The following TAFA1 variants were observed in gnomAD, a reference collection of about 807,000 sequenced individuals.
TAFA1 encodes the protein TAFA chemokine like family member 1.
Under a neutral mutation model 18.5 loss-of-function variants are expected in TAFA1, and 4 were observed. The ratio of observed to expected loss-of-function variants is 0.22; its 90% confidence interval spans 0.11 to 0.49. The LOEUF (loss-of-function observed/expected upper bound fraction) is 0.49. Among genes scored for constraint, TAFA1 ranks in the 20% least tolerant of loss-of-function variants. TAFA1 has a pLI of 0.98. For missense variants in TAFA1, 147 were observed against 169.0 expected (o/e 0.87, Z 0.72); for synonymous variants, 56 against 55.2 (o/e 1.01, Z -0.06).
At chr3:68,262,325 A>G (rs1426028412) in intron 2 of TAFA1, among the ~76,000 whole-genome samples, 2 of 67,826 alleles carry the variant, frequency 2.9e-5, no homozygotes, top group African/African-American at 1.1e-4. Context: ...ATATATATAT[A>G]TATATATATA....
chr3:68,170,412 T>C (rs2106957612), intron 2 of TAFA1, among the ~76,000 whole-genome samples: 1 of 152,326 alleles, frequency 6.6e-6, no homozygotes, highest in Non-Finnish European at 1.5e-5. Flanking sequence ...TTGTCAAAAA[T>C]AATCAATTGC....
At chr3:68,409,846 A>C (rs906095110) in intron 2 of TAFA1, among the ~76,000 whole-genome samples, 3 of 152,140 alleles carry the variant, frequency 2.0e-5, no homozygotes, top group African/African-American at 7.2e-5. Context: ...GCAAACCCTG[A>C]CTTACAATGC....
At chr3:68,099,797 C>A (rs2065126712) in intron 2 of TAFA1, among the ~76,000 whole-genome samples, 2 of 152,256 alleles carry the variant, frequency 1.3e-5, no homozygotes, top group Admixed American at 1.3e-4. Context: ...ACATACACAC[C>A]ATGGAATACT....
At chr3:68,439,278 T>C (rs1575867752) in intron 3 of TAFA1, among the ~76,000 whole-genome samples, 1 of 151,642 alleles carries the variant, frequency 6.6e-6, no homozygotes, top group Middle Eastern at 3.4e-3. Context: ...AATGTGACCA[T>C]GAAACGTCTA....
At chr3:68,320,261 C>T (rs781498308) in intron 2 of TAFA1, among the ~76,000 whole-genome samples, 3 of 152,200 alleles carry the variant, frequency 2.0e-5, no homozygotes, top group Non-Finnish European at 4.4e-5. Context: ...CACAACCTGG[C>T]TTCCTTGTAT....
At chr3:68,490,134 G>A (rs1453481786) in intron 3 of TAFA1, among the ~76,000 whole-genome samples, 1 of 152,122 alleles carries the variant, frequency 6.6e-6, no homozygotes, top group African/African-American at 2.4e-5. Flanking sequence ...AATACTTATG[G>A]ACTTTTCTGA....
At chr3:68,477,467 C>G (rs941824899) in intron 3 of TAFA1, among the ~76,000 whole-genome samples, 4 of 152,112 alleles carry the variant, frequency 2.6e-5, no homozygotes, top group Admixed American at 6.5e-5. Flanking sequence ...CTCCACCTCC[C>G]AGGTTTAAGT....
chr3:68,059,064 T>C (rs536702070), intron 2 of TAFA1, among the ~76,000 whole-genome samples: 7 of 152,330 alleles, frequency 4.6e-5, no homozygotes, highest in African/African-American at 1.7e-4. Context: ...TCAAAGCACT[T>C]CTTTACTGCC....
chr3:68,488,565 G>A (rs2072391369), intron 3 of TAFA1, among the ~76,000 whole-genome samples: 1 of 152,124 alleles, frequency 6.6e-6, no homozygotes, highest in Admixed American at 6.5e-5. Context: ...AGTCCTATTT[G>A]GGTTCAAGTC....
intron 3 of TAFA1, among the ~76,000 whole-genome samples, chr3:68,453,848 C>T (rs2071609358): frequency 6.6e-6 from 1 of 152,176 alleles, no homozygotes; most frequent in Non-Finnish European, 1.5e-5. Flanking sequence ...TAATCCTCTG[C>T]ATGCATATTC....
In TAFA1 at chr3:68,006,653, G is replaced by T. The variant is rs1246845241; in HGVS notation, c.27G>T (p.Trp9Cys). 5.6e-6 allele frequency: 9 copies of T among 1,613,846 alleles called. No individual in the cohort carries two copies. Among genetic ancestry groups the T allele is most frequent in the Non-Finnish European group, 7.6e-6 (9 of 1,179,778 alleles). Residue 9 changes from tryptophan (W) to cysteine (C), a missense_variant, in exon 2 of 5, where the codon TGG becomes TGT. Physicochemically the swap from Trp to Cys is radical, Grantham distance 215. Coordinates refer to ENST00000478136, the MANE Select transcript of TAFA1 (RefSeq NM_213609.4). Reference sequence around the variant, plus strand: ...TGGCAATGGTCTCTGCGATGTCCTGGGTCCTGTATTTGTGGATAAGTGCTT... The same window carrying T: ...TGGCAATGGTCTCTGCGATGTCCTGTGTCCTGTATTTGTGGATAAGTGCTT... MAMVSAMSWVLYLWISACA... is the reference protein window; with the variant it reads MAMVSAMSCVLYLWISACA...
At chr3:68,188,505 A>T (rs201942478) in intron 2 of TAFA1, among the ~76,000 whole-genome samples, 3 of 142,760 alleles carry the variant, frequency 2.1e-5, no homozygotes, top group South Asian at 2.2e-4. Flanking sequence ...GTGTATATAT[A>T]TTTATATATA....
intron 3 of TAFA1, among the ~76,000 whole-genome samples, chr3:68,432,185 G>A (rs549010324): frequency 1.2e-4 from 19 of 152,070 alleles, no homozygotes; most frequent in African/African-American, 4.3e-4. Flanking sequence ...GGGAAAAGGG[G>A]AGGTTGGGGA....
At chr3:68,055,978 A>G (rs1192480998) in intron 2 of TAFA1, among the ~76,000 whole-genome samples, 1 of 152,114 alleles carries the variant, frequency 6.6e-6, no homozygotes. Context: ...GTTGGTGTTC[A>G]GCTCACTTGA....
intron 2 of TAFA1, among the ~76,000 whole-genome samples, chr3:68,241,181 T>C (rs1309261627): frequency 6.6e-6 from 1 of 152,164 alleles, no homozygotes; most frequent in Non-Finnish European, 1.5e-5. Flanking sequence ...ACTTATATTT[T>C]TCATAAAATT....
intron 4 of TAFA1, among the ~76,000 whole-genome samples, chr3:68,542,330 T>C (rs2073390698): frequency 6.6e-6 from 1 of 152,160 alleles, no homozygotes; most frequent in Non-Finnish European, 1.5e-5. Context: ...TCAATTGCTT[T>C]ATTAAATAGC....
intron 2 of TAFA1, among the ~76,000 whole-genome samples, chr3:68,156,685 G>T (rs148786437): frequency 5.9e-5 from 9 of 152,040 alleles, no homozygotes; most frequent in African/African-American, 2.2e-4. Flanking sequence ...ATTTAACAAT[G>T]AATATAACTT....
intron 2 of TAFA1, among the ~76,000 whole-genome samples, chr3:68,094,917 C>T (rs935659629): frequency 6.6e-6 from 1 of 152,148 alleles, no homozygotes; most frequent in East Asian, 1.9e-4. Flanking sequence ...GTTGCTTTAG[C>T]TCCTGTTGGT....
chr3:68,123,571 AT>A (rs1485934697), intron 2 of TAFA1, among the ~76,000 whole-genome samples: 3 of 152,132 alleles, frequency 2.0e-5, no homozygotes, highest in African/African-American at 7.2e-5. Context: ...CTGAAAAGAG[AT>A]GGTCTGCCCT....
Sources: gnomAD v4.1 joint callset for allele counts (sites outside exome capture counted in the v4.1 genomes callset) on GRCh38, gnomAD v4.1.1 for gene constraint, MANE v1.5 for transcripts, NCBI Gene and HGNC (gene_info 2026-07-23, HGNC 2026-07-21) for gene names.